ABCC4: variants seen among roughly 807,000 people sequenced by gnomAD.
The protein encoded by ABCC4 is ATP binding cassette subfamily C member 4 (PEL blood group), also known as ATP-binding cassette sub-family C member 4.
Under a neutral mutation model 168.5 loss-of-function variants are expected in ABCC4, and 102 were observed. The observed-to-expected ratio is 0.61, with a 90% confidence interval of 0.52 to 0.71. The LOEUF (loss-of-function observed/expected upper bound fraction) is 0.71. ABCC4 is among the 30% of genes least tolerant of loss of function. The pLI is 0.00. For synonymous variants in ABCC4, 617 were observed against 590.7 expected, an observed-to-expected ratio of 1.04 and a Z score of -0.65; for missense variants, 1,402 against 1,605.8, an observed-to-expected ratio of 0.87 and a Z score of 2.17.
chr13:95,043,912 T>C, intron 28 of ABCC4, 125 bp from the exon 29 acceptor site: 1 of 648,174 alleles, frequency 1.5e-6, no homozygotes, highest in Non-Finnish European at 2.5e-6. Context: ...GTTTTAAAAA[T>C]CATGTTAAAA....
intron 8 of ABCC4, among the ~76,000 whole-genome samples, chr13:95,197,004 A>G (rs1299806011): frequency 6.6e-6 from 1 of 152,138 alleles, no homozygotes; most frequent in African/African-American, 2.4e-5. Context: ...TTCCCTGAGT[A>G]TTAATCCCAC....
At chr13:95,051,144 G>A (rs912955732) in intron 27 of ABCC4, among the ~76,000 whole-genome samples, 6 of 152,206 alleles carry the variant, frequency 3.9e-5, no homozygotes, top group African/African-American at 1.4e-4. Flanking sequence ...CAAGTATCAG[G>A]AGGTGAAGTA....
chr13:95,044,998 G>T (rs976288168), intron 27 of ABCC4, among the ~76,000 whole-genome samples: 6 of 152,098 alleles, frequency 3.9e-5, no homozygotes, highest in African/African-American at 1.4e-4. Context: ...CACTTCTAAG[G>T]GGAGCATTTT....
At chr13:95,076,101 G>A (rs7993442) in intron 21 of ABCC4, among the ~76,000 whole-genome samples, 44 of 150,348 alleles carry the variant, frequency 2.9e-4, no homozygotes, top group African/African-American at 1.1e-3. Flanking sequence ...CAGACAGACT[G>A]TCACTTCCCT....
chr13:95,140,839 T>C (rs2036295769), intron 19 of ABCC4, among the ~76,000 whole-genome samples: 1 of 152,244 alleles, frequency 6.6e-6, no homozygotes, highest in South Asian at 2.1e-4. Flanking sequence ...TTATGTCTGC[T>C]ATTGTAACCT....
At chr13:95,274,705 G>C (rs1480695254) in intron 1 of ABCC4, among the ~76,000 whole-genome samples, 1 of 152,136 alleles carries the variant, frequency 6.6e-6, no homozygotes, top group East Asian at 1.9e-4. Flanking sequence ...TAAGACCTGT[G>C]AGTATAATAA....
At chr13:95,122,700 C>G (rs2035615264) in intron 19 of ABCC4, among the ~76,000 whole-genome samples, 1 of 152,182 alleles carries the variant, frequency 6.6e-6, no homozygotes, top group African/African-American at 2.4e-5. Flanking sequence ...GGATCTCAGC[C>G]TTCGCCCTTT....
intron 1 of ABCC4, among the ~76,000 whole-genome samples, chr13:95,269,759 T>C (rs537900558): frequency 6.6e-6 from 1 of 152,208 alleles, no homozygotes; most frequent in Non-Finnish European, 1.5e-5. Context: ...AGTGTATATA[T>C]AATCGTATAC....
intron 8 of ABCC4, among the ~76,000 whole-genome samples, chr13:95,197,739 G>C (rs1383344071): frequency 6.6e-6 from 1 of 152,134 alleles, no homozygotes; most frequent in African/African-American, 2.4e-5. Flanking sequence ...TAAAACCTCA[G>C]AGACACATTT....
Position 95,021,498 on chromosome 13 carries a change from A to G in ABCC4, c.*77T>C. On this transcript the variant is annotated 3_prime_UTR_variant, in exon 31 of 31. Transcript: ENST00000645237. ...ATAAATATTTGTTGCCAAAGTAAAA[A>G]AAAGTACAATGTGGTTTACATAGTC... is the stretch of plus-strand genomic sequence containing the variant. 2.9e-6 allele frequency: 3 copies of G among 1,020,502 alleles called. No homozygotes were observed. Among genetic ancestry groups the G allele is most frequent in the Non-Finnish European group, 4.4e-6 (3 of 674,732 alleles). 63.2% of individuals were successfully genotyped at this position (1,020,502 alleles called of 1,614,324 possible). A position where few individuals can be genotyped will look rare whatever the true frequency, so the allele number is the denominator to read the frequency against.
At chr13:95,170,703 AC>A in intron 13 of ABCC4, 75 bp from the exon 14 acceptor site, 2 of 866,310 alleles carry the variant, frequency 2.3e-6, no homozygotes, top group Non-Finnish European at 3.6e-6. Flanking sequence ...ACATTTTGAA[AC>A]CGTAGTCAAA....
chr13:95,025,236 TAC>T (rs2031387494), intron 30 of ABCC4, among the ~76,000 whole-genome samples: 3 of 6,396 alleles, frequency 4.7e-4, no homozygotes, highest in South Asian at 6.0e-3. Context: ...CACACACCCA[TAC>T]ACACACACCC....
intron 3 of ABCC4, among the ~76,000 whole-genome samples, chr13:95,245,580 A>G (rs770184532): frequency 2.0e-5 from 3 of 152,174 alleles, no homozygotes; most frequent in Admixed American, 6.5e-5. Context: ...TTCCACCCTC[A>G]AGTCAGTTCC....
intron 1 of ABCC4, among the ~76,000 whole-genome samples, chr13:95,294,103 C>T (rs1424424133): frequency 1.3e-5 from 2 of 152,024 alleles, no homozygotes; most frequent in African/African-American, 4.8e-5. Context: ...TTCAAAATCA[C>T]CAGCCGAGGC....
intron 19 of ABCC4, among the ~76,000 whole-genome samples, chr13:95,121,035 T>C (rs2139425036): frequency 6.6e-6 from 1 of 152,274 alleles, no homozygotes; most frequent in East Asian, 1.9e-4. Flanking sequence ...AAGTCCAGTA[T>C]TTCAGTATAT....
chr13:95,147,304 A>G (rs558575616), intron 19 of ABCC4, among the ~76,000 whole-genome samples: 1 of 152,348 alleles, frequency 6.6e-6, no homozygotes, highest in African/African-American at 2.4e-5. Flanking sequence ...GTGCAGTAAC[A>G]GGAGTTATCT....
intron 3 of ABCC4, among the ~76,000 whole-genome samples, chr13:95,242,250 CAG>C (rs1286890243): frequency 1.4e-5 from 2 of 147,316 alleles, no homozygotes; most frequent in South Asian, 2.1e-4. Flanking sequence ...TTTTTTGAGA[CAG>C]AGTCTTGCTC....
chr13:95,207,705 C>T (rs2038822018), intron 7 of ABCC4, 95 bp downstream of exon 7: 2 of 1,362,470 alleles, frequency 1.5e-6, no homozygotes, highest in African/African-American at 1.5e-5. Flanking sequence ...CTGAACTTCC[C>T]ATAATGTGAA....
chr13:95,254,203 G>A (rs904225211), intron 1 of ABCC4, among the ~76,000 whole-genome samples: 1 of 152,120 alleles, frequency 6.6e-6, no homozygotes, highest in African/African-American at 2.4e-5. Context: ...TGGCCTAAAG[G>A]GGGTTTTATA....
Sources: gnomAD v4.1 joint callset for allele counts (sites outside exome capture counted in the v4.1 genomes callset) on GRCh38, gnomAD v4.1.1 for gene constraint, MANE v1.5 for transcripts, NCBI Gene and HGNC (gene_info 2026-07-23, HGNC 2026-07-21) for gene names.